The following ATAD1 variants were observed in gnomAD, a reference collection of about 807,000 sequenced individuals.
ATAD1 encodes outer mitochondrial transmembrane helix translocase.
Under a neutral mutation model 42.7 loss-of-function variants are expected in ATAD1, and 18 were observed. The observed-to-expected ratio is 0.42, with a 90% CI of 0.29 to 0.63. The LOEUF is 0.63. Ranked by LOEUF, ATAD1 falls within the 20% of genes least tolerant of loss-of-function variation. The probability of loss-of-function intolerance (pLI) is 0.19; values close to 1 mark genes in which losing one functional copy is unlikely to be tolerated. For synonymous variants in ATAD1, 132 were observed against 143.1 expected (o/e 0.92, Z 0.55); for missense variants, 294 against 440.4 (o/e 0.67, Z 2.98).
At chr10:87,826,511 A>G (rs1355729927) in intron 1 of ATAD1, among the ~76,000 whole-genome samples, 1 of 152,214 alleles carries the variant, frequency 6.6e-6, no homozygotes, top group Non-Finnish European at 1.5e-5. Flanking sequence ...TTCTTCTTCT[A>G]TAGTGTTTTG....
chr10:87,838,483 A>AG (rs1857968379), intron 1 of ATAD1, among the ~76,000 whole-genome samples: 2 of 151,588 alleles, frequency 1.3e-5, no homozygotes, highest in Non-Finnish European at 2.9e-5. Context: ...AAAAAAAAAA[A>AG]AAAAAGACAA....
Position 87,752,073 on chromosome 10 carries a change from C to A in ATAD1, c.*2614G>T, listed in dbSNP as rs558234612. 6.6e-6 allele frequency: 1 copy of A among 152,228 alleles called. No individual in the cohort carries two copies. The highest frequency in any genetic ancestry group is 1.9e-4 in the East Asian group (1 of 5,180). The allele number at this position is 152,228 out of a possible 1,614,324, so 9.4% of individuals were successfully genotyped here. A position where few individuals can be genotyped will look rare whatever the true frequency, so the allele number is the denominator to read the frequency against. On this transcript the variant is annotated 3_prime_UTR_variant, in exon 10 of 10. Coordinates refer to ENST00000680024, the MANE Select transcript of ATAD1 (RefSeq NM_001321967.2). Reference sequence around the variant, plus strand: ...ATGCATACAGAATAGAGTACCCCAACCCAGCTCTTAATGAATGCTGGGTTT... The same window carrying A: ...ATGCATACAGAATAGAGTACCCCAAACCAGCTCTTAATGAATGCTGGGTTT...
chr10:87,766,810 CA>C (rs147517672), intron 8 of ATAD1, among the ~76,000 whole-genome samples: 29 of 134,866 alleles, frequency 2.2e-4, no homozygotes, highest in African/African-American at 1.9e-4. Flanking sequence ...CACTCTGCTT[CA>C]AAAAAAAAAG....
chr10:87,831,664 G>T (rs1020166449), intron 1 of ATAD1, among the ~76,000 whole-genome samples: 2 of 152,056 alleles, frequency 1.3e-5, no homozygotes, highest in Non-Finnish European at 2.9e-5. Context: ...AATTTAACTT[G>T]TATCATATTT....
chr10:87,771,725 T>C (rs987959750), intron 6 of ATAD1, among the ~76,000 whole-genome samples: 4 of 151,356 alleles, frequency 2.6e-5, no homozygotes, highest in African/African-American at 9.7e-5. Flanking sequence ...TCTGAGTCTA[T>C]GTCACTTATT....
chr10:87,818,171 G>T lies in ATAD1; in HGVS notation c.-18C>A. The T allele has an allele frequency of 2.0e-6, 2 of 985,632 alleles. No individual in the cohort carries two copies. Among genetic ancestry groups the T allele is most frequent in the African/African-American group, 1.7e-5 (1 of 57,360 alleles). The allele number at this position is 985,632 out of a possible 1,614,324, so 61.1% of individuals were successfully genotyped here. The stretch of plus-strand genomic sequence containing the variant: ...CCACGGGAACCAGCTACTCACCCAG[G>T]GGCAGAAACAGCAAGAGCAAGTGCC... On this transcript the variant is annotated 5_prime_UTR_variant, in exon 1 of 10. Transcript: ENST00000680024.
intron 1 of ATAD1, among the ~76,000 whole-genome samples, chr10:87,825,715 T>A (rs370393691): frequency 4.4e-4 from 67 of 151,632 alleles, no homozygotes; most frequent in African/African-American, 1.6e-3. Context: ...TTTTTTTAAC[T>A]TTTAGAGACA....
chr10:87,831,275 C>CCAGA (rs10640868), intron 1 of ATAD1, among the ~76,000 whole-genome samples: 28,893 of 152,112 alleles, frequency 0.19, 2,865 homozygotes, highest in Middle Eastern at 0.27. Flanking sequence ...ATAGGATTCA[C>CCAGA]TAACTGCTTC....
At chr10:87,804,197 A>G (rs1856824901) in intron 2 of ATAD1, among the ~76,000 whole-genome samples, 1 of 152,210 alleles carries the variant, frequency 6.6e-6, no homozygotes, top group African/African-American at 2.4e-5. Flanking sequence ...TACTTCTCTC[A>G]AAATAACAGA....
At chr10:87,755,112 T>C (rs1475179611) in intron 9 of ATAD1, among the ~76,000 whole-genome samples, 1 of 152,196 alleles carries the variant, frequency 6.6e-6, no homozygotes, top group Non-Finnish European at 1.5e-5. Context: ...CATCTATAAG[T>C]ACACAATATT....
intron 8 of ATAD1, among the ~76,000 whole-genome samples, chr10:87,762,185 C>A (rs911958848): frequency 6.6e-6 from 1 of 152,210 alleles, no homozygotes; most frequent in African/African-American, 2.4e-5. Context: ...TCTCCAGCTA[C>A]ACTAGACCAC....
intron 1 of ATAD1, chr10:87,832,860 G>A (rs1857858924): frequency 6.6e-6 from 1 of 152,086 alleles, no homozygotes. Flanking sequence ...AGAATGCAGT[G>A]GCTATTCACA....
At chr10:87,798,249 C>T (rs974939916) in intron 2 of ATAD1, among the ~76,000 whole-genome samples, 2 of 152,126 alleles carry the variant, frequency 1.3e-5, no homozygotes, top group African/African-American at 4.8e-5. Context: ...CACATAAAAA[C>T]CCTAGGCCAC....
At chr10:87,790,632 T>A (rs979754532) in intron 3 of ATAD1, among the ~76,000 whole-genome samples, 2 of 152,198 alleles carry the variant, frequency 1.3e-5, no homozygotes, top group African/African-American at 4.8e-5. Flanking sequence ...AATAGTCAAC[T>A]ATCTACTATT....
At chr10:87,767,982 A>G (rs1373965658) in intron 7 of ATAD1, among the ~76,000 whole-genome samples, 9 of 152,194 alleles carry the variant, frequency 5.9e-5, no homozygotes, top group Admixed American at 5.9e-4. Context: ...TTTAATCTTT[A>G]ATGAGTAAAT....
chr10:87,813,162 G>A (rs936570017), intron 2 of ATAD1, among the ~76,000 whole-genome samples: 2 of 151,916 alleles, frequency 1.3e-5, no homozygotes, highest in South Asian at 2.1e-4. Context: ...TGTGTATTCA[G>A]GAGTTCTTAG....
At position 87,792,744 on chromosome 10, in the gene ATAD1, T is replaced by G; in HGVS notation, c.174A>C (p.Leu58=). 1 of 1,613,720 alleles carries G rather than the reference T, an allele frequency of 6.2e-7. No homozygotes were observed. The highest frequency in any genetic ancestry group is 8.5e-7 in the Non-Finnish European group (1 of 1,179,720). The change falls in exon 3 of 10, where the codon CTA becomes CTC. Residue 58 remains leucine, a synonymous_variant. Coordinates refer to ENST00000680024, the MANE Select transcript of ATAD1 (RefSeq NM_001321967.2). ...KVEAQKQAEK[L]MKQIGVKNVK... is the part of the protein sequence containing the mutation. Reference sequence around the variant, plus strand: ...CATTTTTCACTCCAATTTGCTTCATTAGTTTTTCTGCCTAGAATGAAAAGA... The same window carrying G: ...CATTTTTCACTCCAATTTGCTTCATGAGTTTTTCTGCCTAGAATGAAAAGA...
chr10:87,827,472 A>G (rs1857750765), intron 1 of ATAD1, among the ~76,000 whole-genome samples: 1 of 152,074 alleles, frequency 6.6e-6, no homozygotes, highest in Admixed American at 6.6e-5. Flanking sequence ...TGTCAGTGCC[A>G]TTTTTCCAAC....
intron 9 of ATAD1, 74 bp from the exon 10 acceptor site, chr10:87,754,881 T>G (rs1854152609): frequency 6.6e-7 from 1 of 1,526,428 alleles, no homozygotes; most frequent in Non-Finnish European, 8.8e-7. Flanking sequence ...TTACCAAGAT[T>G]TAAAAGAGAT....
Sources: gnomAD v4.1 joint callset for allele counts (sites outside exome capture counted in the v4.1 genomes callset) on GRCh38, gnomAD v4.1.1 for gene constraint, MANE v1.5 for transcripts, NCBI Gene and HGNC (gene_info 2026-07-23, HGNC 2026-07-21) for gene names.